Variants in NRG1 observed in about 807,000 individuals in gnomAD.
NRG1 encodes neuregulin 1.
A neutral mutation model predicts 63.8 loss-of-function variants in NRG1; 18 were observed. That is an observed-to-expected ratio of 0.28 (90% CI 0.19 to 0.42). The LOEUF (loss-of-function observed/expected upper bound fraction) is 0.42. Among genes scored for constraint, NRG1 ranks in the 10% least tolerant of loss-of-function variants. The pLI is 1.00. For synonymous variants in NRG1, 302 were observed against 301.3 expected (o/e 1.00, Z -0.02); for missense variants, 762 against 814.7 (o/e 0.94, Z 0.79).
chr8:31,741,909 T>C (rs1815315016), intron 1 of NRG1, among the ~76,000 whole-genome samples: 1 of 151,824 alleles, frequency 6.6e-6, no homozygotes, highest in African/African-American at 2.4e-5. Flanking sequence ...ATTACTGAAA[T>C]GGCAAAAAAC....
chr8:31,830,569 G>C lies in NRG1; in HGVS notation c.37+191138G>C, dbSNP rs147158095. ...TTGATTTCAGCTGAGGTTTGCTTTA[G>C]CAGTTGCAACACTGTGATCAAGATC... On this transcript the variant is annotated intron_variant, in intron 1 of 10. Transcript: ENST00000519301. Among the ~76,000 whole-genome samples, 746 of 152,204 alleles carry C rather than the reference G, an allele frequency of 4.9e-3. 4 individuals carry two copies. The highest frequency in any genetic ancestry group is 0.037 in the Middle Eastern group (11 of 294).
chr8:32,421,865 AC>A (rs1413927446), intron 1 of NRG1, among the ~76,000 whole-genome samples: 9 of 152,338 alleles, frequency 5.9e-5, no homozygotes, highest in African/African-American at 2.2e-4. Flanking sequence ...CATGAAAAAA[AC>A]AAAACATAAA....
intron 1 of NRG1, among the ~76,000 whole-genome samples, chr8:32,362,008 G>A (rs1218763069): frequency 1.3e-5 from 2 of 152,138 alleles, no homozygotes; most frequent in Non-Finnish European, 1.5e-5. Flanking sequence ...GATCTCAAGT[G>A]TCACTTTTGT....
rs1810287244 is a variant in NRG1 at position 32,686,855 on chromosome 8, G to C, written c.503-41094G>C. On this transcript the variant is annotated intron_variant, in intron 5 of 11. Transcript: ENST00000356819. The stretch of plus-strand genomic sequence containing the variant: ...ATGGGCCAGGCTCAGGGAGCTCCTT[G>C]AAGACAGATCATTTGGTATTAATGA... Among the ~76,000 whole-genome samples, 3 of 152,200 alleles carry C rather than the reference G, an allele frequency of 2.0e-5. No individual in the cohort carries two copies. The South Asian group carries it at 6.2e-4, about 32-fold the overall frequency.
intron 5 of NRG1, among the ~76,000 whole-genome samples, chr8:32,684,600 T>A (rs1358410602): frequency 6.6e-6 from 1 of 152,212 alleles, no homozygotes. Context: ...CAAGAGGTGT[T>A]ATTTGAGGAA....
intron 1 of NRG1, among the ~76,000 whole-genome samples, chr8:32,526,487 A>G (rs1294756604): frequency 6.6e-6 from 1 of 152,204 alleles, no homozygotes; most frequent in Non-Finnish European, 1.5e-5. Flanking sequence ...AGGCCCGCCC[A>G]TACTCAAAGT....
At chr8:31,750,331 ATTATTGT>A (rs1816324618) in intron 1 of NRG1, among the ~76,000 whole-genome samples, 1 of 151,892 alleles carries the variant, frequency 6.6e-6, no homozygotes, top group East Asian at 1.9e-4. Context: ...ATGGACCATT[ATTATTGT>A]TTCCATATCA....
intron 1 of NRG1, among the ~76,000 whole-genome samples, chr8:31,649,867 G>A (rs994615408): frequency 2.0e-5 from 3 of 152,142 alleles, no homozygotes; most frequent in Non-Finnish European, 4.4e-5. Context: ...TTGATTTAAT[G>A]TATTCATTAA....
At chr8:31,769,374 T>C (rs1454386204) in intron 1 of NRG1, among the ~76,000 whole-genome samples, 1 of 152,136 alleles carries the variant, frequency 6.6e-6, no homozygotes, top group African/African-American at 2.4e-5. Flanking sequence ...TTGACCCAAG[T>C]TGGGCCAGAA....
chr8:31,639,307 C>G (rs1427140050), exon 1 of NRG1: 1 of 1,496,628 alleles, frequency 6.7e-7, no homozygotes, highest in Non-Finnish European at 9.0e-7. Flanking sequence ...CATTGCAGCA[C>G]TCGGGGCGAC....
At chr8:32,147,212 T>C (rs1836964793) in intron 1 of NRG1, among the ~76,000 whole-genome samples, 1 of 152,176 alleles carries the variant, frequency 6.6e-6, no homozygotes, top group African/African-American at 2.4e-5. Flanking sequence ...ACGTCAAATT[T>C]ATATTGTGAT....
chr8:32,171,718 G>A (rs1362865653), intron 1 of NRG1, among the ~76,000 whole-genome samples: 1 of 152,190 alleles, frequency 6.6e-6, no homozygotes, highest in Non-Finnish European at 1.5e-5. Flanking sequence ...ATGGCTTGGA[G>A]GGTTGTATGC....
At chr8:31,843,571 G>C (rs1358799088) in intron 1 of NRG1, among the ~76,000 whole-genome samples, 1 of 152,118 alleles carries the variant, frequency 6.6e-6, no homozygotes, top group African/African-American at 2.4e-5. Context: ...TCCACCCTCT[G>C]TTTCATTTGA....
intron 1 of NRG1, among the ~76,000 whole-genome samples, chr8:32,566,419 T>C (rs1413789116): frequency 6.6e-6 from 1 of 152,060 alleles, no homozygotes; most frequent in Non-Finnish European, 1.5e-5. Flanking sequence ...GTGTAGCTTT[T>C]TTGGGGTTCT....
chr8:32,383,737 G>A (rs550860100), intron 1 of NRG1, among the ~76,000 whole-genome samples: 32 of 152,174 alleles, frequency 2.1e-4, no homozygotes, highest in Non-Finnish European at 4.1e-4. Flanking sequence ...TCCGTCATGC[G>A]GTATCAGTCT....
intron 1 of NRG1, among the ~76,000 whole-genome samples, chr8:31,700,767 C>T (rs1810549799): frequency 6.6e-6 from 1 of 152,150 alleles, no homozygotes; most frequent in Admixed American, 6.5e-5. Context: ...TGGTACTTAA[C>T]CAACCTAAAA....
In NRG1 at chr8:32,366,667, G is replaced by GTATATATATA. The variant is rs1808049388; in HGVS notation, c.38-229160_38-229159insATATATATAT. 9.4e-5 allele frequency among the ~76,000 whole-genome samples: 6 copies of GTATATATATA among 63,930 alleles called. No homozygotes were observed. The South Asian group carries it at 3.6e-3, about 38-fold the overall frequency. The allele number at this position is 63,930 out of a possible 152,430, so 41.9% of individuals were successfully genotyped here. ...TGTAATATATATTGTGTGTGTGTGT[G>GTATATATATA]TGTGTGTGTGTATATATATATATAT... On this transcript the variant is annotated intron_variant, in intron 1 of 10. Coordinates refer to the NRG1 transcript ENST00000519301.
intron 1 of NRG1, among the ~76,000 whole-genome samples, chr8:31,926,099 A>G (rs1323004916): frequency 6.6e-6 from 1 of 152,208 alleles, no homozygotes; most frequent in Non-Finnish European, 1.5e-5. Flanking sequence ...AAGGAATTTA[A>G]GTACAGATAG....
intron 1 of NRG1, among the ~76,000 whole-genome samples, chr8:32,334,917 A>C (rs1803068075): frequency 6.6e-6 from 1 of 152,224 alleles, no homozygotes; most frequent in South Asian, 2.1e-4. Flanking sequence ...TAATGTCAAT[A>C]AACAAGGCTC....
Sources: gnomAD v4.1 joint callset for allele counts (sites outside exome capture counted in the v4.1 genomes callset) on GRCh38, gnomAD v4.1.1 for gene constraint, MANE v1.5 for transcripts, NCBI Gene and HGNC (gene_info 2026-07-23, HGNC 2026-07-21) for gene names.